Variants in EVC observed in about 807,000 individuals in gnomAD.
EVC encodes the protein evC complex member EVC.
A neutral mutation model predicts 118.9 loss-of-function variants in EVC; 116 were observed. The ratio of observed to expected loss-of-function variants is 0.98; its 90% confidence interval spans 0.84 to 1.14. The LOEUF is 1.14. Ranked by LOEUF, EVC falls within the 50% of genes most tolerant of loss-of-function variation. EVC has a pLI of 0.00. For missense variants in EVC, 1,401 were observed against 1,246.4 expected, an observed-to-expected ratio of 1.12 and a Z score of -1.87; for synonymous variants, 619 against 534.7, an observed-to-expected ratio of 1.16 and a Z score of -2.18.
intron 16 of EVC, 114 bp downstream of exon 16, chr4:5,802,208 T>G: frequency 1.4e-6 from 2 of 1,421,168 alleles, no homozygotes; most frequent in Non-Finnish European, 2.0e-6. Context: ...ATATAATTAT[T>G]TCAGTGTTTT....
At chr4:5,752,531 C>T (rs1168389693) in intron 8 of EVC, 4 of 476,252 alleles carry the variant, frequency 8.4e-6, no homozygotes, top group African/African-American at 5.9e-5. Flanking sequence ...TCCTCCTTGA[C>T]CGTTTGTAAA....
At chr4:5,788,084 G>A (rs960754301) in intron 12 of EVC, among the ~76,000 whole-genome samples, 2 of 152,116 alleles carry the variant, frequency 1.3e-5, no homozygotes, top group Non-Finnish European at 2.9e-5. Flanking sequence ...GCAGTCTCCA[G>A]TCCTCTTCTT....
rs547100780 is a variant in EVC, at chr4:5,773,580, G to C, written c.1564-9972G>C. 6.6e-5 allele frequency among the ~76,000 whole-genome samples: 10 copies of C among 152,244 alleles called. 1 individual carries two copies. Among genetic ancestry groups the C allele is most frequent in the African/African-American group, 2.4e-4 (10 of 41,530 alleles). On this transcript the variant is annotated intron_variant, in intron 11 of 20. Coordinates refer to ENST00000264956, the MANE Select transcript of EVC (RefSeq NM_153717.3). ...GTCCCTGCAAAGTTATGTGGCAAGG[G>C]GTGTGGGTGCCGGGAGAGAGACTGG... is the stretch of plus-strand genomic sequence containing the variant.
At chr4:5,821,790 A>G in the EVC span, 35 of 1,611,454 alleles carry the variant, frequency 2.2e-5, no homozygotes, top group Non-Finnish European at 3.0e-5. This position sits in a 1 kb window ranked among gnomAD's most constrained non-coding sequence, Gnocchi z 4.4. Flanking sequence ...TGGAGCGGCC[A>G]CCAGGGGGCG....
the EVC span, among the ~76,000 whole-genome samples, chr4:5,827,733 G>GCACACACACACACACA: frequency 7.2e-3 from 1,001 of 138,318 alleles, 16 homozygotes; most frequent in African/African-American, 0.026. Context: ...ATGTGCGCGT[G>GCACACACACACACACA]CACACACACA....
In EVC at chr4:5,753,047, G is replaced by C. The variant is rs1275747678; in HGVS notation, c.1310G>C (p.Ser437Thr). Residue 437 changes from serine to threonine, a missense_variant, in exon 9 of 21, where the codon AGC becomes ACC. Physicochemically the swap from Ser to Thr is moderately conservative, Grantham distance 58 (BLOSUM62 1). Transcript: ENST00000264956. ...KAFWQEAERF[S>T]REFVQRGKDL... ...TTCTGGCAGGAGGCAGAGCGCTTCAGCCGGGGTGAGCCGTGGGCATGGGTG... is the reference window on the plus strand; with the variant it reads ...TTCTGGCAGGAGGCAGAGCGCTTCACCCGGGGTGAGCCGTGGGCATGGGTG... The C allele has an allele frequency of 1.4e-5, 23 of 1,587,960 alleles. No individual in the cohort carries two copies. Among genetic ancestry groups the C allele is most frequent in the Admixed American group, 3.6e-5 (2 of 54,834 alleles).
chr4:5,818,307 C>G (rs556759697), downstream of EVC, among the ~76,000 whole-genome samples: 4 of 152,278 alleles, frequency 2.6e-5, no homozygotes, highest in South Asian at 2.1e-4. Flanking sequence ...TTGGGTATGT[C>G]TTTATCAGCA....
downstream of EVC, among the ~76,000 whole-genome samples, chr4:5,816,014 T>C (rs1248276365): frequency 2.0e-5 from 3 of 151,646 alleles, no homozygotes; most frequent in African/African-American, 4.9e-5. Flanking sequence ...GGAATACTAT[T>C]TTCCCCCCAT....
chr4:5,748,347 G>C (rs201991931), intron 8 of EVC, 41 bp downstream of exon 8: 2 of 1,610,016 alleles, frequency 1.2e-6, no homozygotes, highest in East Asian at 2.2e-5. Context: ...AAGATATTCA[G>C]ACTAGAGATA....
intron 5 of EVC, among the ~76,000 whole-genome samples, chr4:5,740,302 C>T (rs536598022): frequency 6.6e-6 from 1 of 151,978 alleles, no homozygotes; most frequent in African/African-American, 2.4e-5. Flanking sequence ...GAAACCTCGT[C>T]TCTACTAAAA....
chr4:5,746,514 G>C lies in EVC; in HGVS notation c.939+1173G>C, dbSNP rs1209788969. On this transcript the variant is annotated intron_variant, in intron 7 of 20. Transcript: ENST00000264956. This position sits in a 1 kb window ranked among gnomAD's most constrained non-coding sequence, Gnocchi z 5.8. ...AATAGGTCCAATATTGAGAGGAGAG[G>C]CTTGGAGATGGAGGGTCTCCATGAG... Among the ~76,000 whole-genome samples the C allele has an allele frequency of 6.6e-6, 1 of 152,150 alleles. No homozygotes were observed. The highest frequency in any genetic ancestry group is 2.4e-5 in the African/African-American group (1 of 41,436).
rs1330063793 is a variant in EVC, at chr4:5,755,177, A to T, written c.1465-1087A>T. Among the ~76,000 whole-genome samples, 1 of 152,162 alleles carries T rather than the reference A, an allele frequency of 6.6e-6. No homozygotes were observed. Among genetic ancestry groups the T allele is most frequent in the Non-Finnish European group, 1.5e-5 (1 of 68,038 alleles). ...TTTGAGACCCATTTGAAATAAGAGG[A>T]AGATAAGGCTATTCAGCTCCTCGTT... is the stretch of plus-strand genomic sequence containing the variant. On this transcript the variant is annotated intron_variant, in intron 10 of 20. Coordinates refer to ENST00000264956, the MANE Select transcript of EVC (RefSeq NM_153717.3). The surrounding 1 kb of genome is among the most constrained non-coding windows in gnomAD (Gnocchi z 4.1).
rs3836549 is a variant in EVC, at chr4:5,746,144, CTTGT to C, written c.939+808_939+811del. On this transcript the variant is annotated intron_variant, in intron 7 of 20. Transcript: ENST00000264956. This position sits in a 1 kb window ranked among gnomAD's most constrained non-coding sequence, Gnocchi z 5.8. ...AAGCCAGAGGGATCTGGCCAGAGGG[CTTGT>C]TTGTGTCTTAAGCCAGCGAGATGGG... 0.55 allele frequency among the ~76,000 whole-genome samples: 83,165 copies of C among 151,462 alleles called. 23,230 individuals are homozygous for C. The highest frequency in any genetic ancestry group is 0.6 in the Non-Finnish European group (40,660 of 67,740).
chr4:5,726,880 G>T (rs1221641097), intron 2 of EVC, among the ~76,000 whole-genome samples: 2 of 151,716 alleles, frequency 1.3e-5, no homozygotes, highest in African/African-American at 4.8e-5. Context: ...TTTCATCCAT[G>T]TCCCTACAAA....
downstream of EVC, among the ~76,000 whole-genome samples, chr4:5,818,213 G>A (rs1210863138): frequency 1.3e-5 from 2 of 152,144 alleles, no homozygotes; most frequent in Non-Finnish European, 2.9e-5. Context: ...TCATGAAGAC[G>A]TGCCTTCTGC....
chr4:5,724,515 C>G lies in EVC; in HGVS notation c.301-4792C>G, dbSNP rs150313015. Reference sequence around the variant, plus strand: ...CCAGCATGGCATCAGCTAAAGAGGGCGGACCTGGGGCCAGCAAAGCTGAGT... The same window carrying G: ...CCAGCATGGCATCAGCTAAAGAGGGGGGACCTGGGGCCAGCAAAGCTGAGT... On this transcript the variant is annotated intron_variant, in intron 2 of 20. Transcript: ENST00000264956. 9.8e-4 allele frequency among the ~76,000 whole-genome samples: 149 copies of G among 152,212 alleles called. 2 individuals carry two copies. The East Asian group carries it at 0.027, about 27-fold the overall frequency.
At chr4:5,825,585 A>G in the EVC span, 523 of 1,602,570 alleles carry the variant, frequency 3.3e-4, 3 homozygotes, top group East Asian at 9.3e-3. The surrounding 1 kb of genome is among the most constrained non-coding windows in gnomAD (Gnocchi z 4.4). Context: ...CGGGAGTTGC[A>G]TATTTGGGTG....
rs1009919884 is a variant in EVC, at chr4:5,742,710, C to T, written c.801+896C>T. ...TTGGCATTCTCATTACTACCATCAC[C>T]GCCATCATCATCTTCATTACCACCA... On this transcript the variant is annotated intron_variant, in intron 6 of 20. Coordinates refer to ENST00000264956, the MANE Select transcript of EVC (RefSeq NM_153717.3). The surrounding 1 kb of genome is among the most constrained non-coding windows in gnomAD (Gnocchi z 5.2). Among the ~76,000 whole-genome samples, 5 of 152,214 alleles carry T rather than the reference C, an allele frequency of 3.3e-5. No homozygotes were observed. Among genetic ancestry groups the T allele is most frequent in the African/African-American group, 4.8e-5 (2 of 41,530 alleles).
chr4:5,796,274 T>TG (rs1489894326), intron 13 of EVC, among the ~76,000 whole-genome samples: 2 of 152,192 alleles, frequency 1.3e-5, no homozygotes, highest in East Asian at 3.8e-4. Context: ...TGATATCTCG[T>TG]GGGCATGTTT....
Sources: allele counts gnomAD v4.1 joint callset (sites outside exome capture counted in the v4.1 genomes callset), GRCh38; gene constraint gnomAD v4.1.1; non-coding constraint Gnocchi (gnomAD v3.1); transcripts MANE v1.5; gene names NCBI Gene and HGNC (gene_info 2026-07-23, HGNC 2026-07-21).